Variants in FHIT observed in about 807,000 individuals in gnomAD.
FHIT encodes the protein bis(5'-adenosyl)-triphosphatase.
FHIT carries 19 observed loss-of-function variants against 17.9 expected under a neutral mutation model. That is an observed-to-expected ratio of 1.06 (90% CI 0.74 to 1.56). The LOEUF (loss-of-function observed/expected upper bound fraction) is 1.56, where lower values mean the gene tolerates loss of function less well. Among genes scored for constraint, FHIT ranks in the 40% most tolerant of loss-of-function variants. The probability of loss-of-function intolerance (pLI) is 0.00; values close to 1 mark genes in which losing one functional copy is unlikely to be tolerated. For synonymous variants in FHIT, 81 were observed against 69.7 expected (o/e 1.16, Z -0.81); for missense variants, 248 against 189.2 (o/e 1.31, Z -1.82).
chr3:60,538,505 A>G (rs1233843945), intron 4 of FHIT, among the ~76,000 whole-genome samples: 1 of 152,230 alleles, frequency 6.6e-6, no homozygotes, highest in Non-Finnish European at 1.5e-5. Flanking sequence ...CCAAAAGAAC[A>G]AAGCTGGAGG....
intron 5 of FHIT, among the ~76,000 whole-genome samples, chr3:60,486,599 G>A (rs1453795401): frequency 2.0e-5 from 3 of 152,024 alleles, no homozygotes; most frequent in Non-Finnish European, 2.9e-5. Flanking sequence ...GTCAGAGAAG[G>A]GCAGGCTCTG....
At chr3:59,818,903 A>C (rs566581056) in intron 8 of FHIT, among the ~76,000 whole-genome samples, 1 of 152,360 alleles carries the variant, frequency 6.6e-6, no homozygotes, top group South Asian at 2.1e-4. Context: ...CCTCTTCAGC[A>C]TGGATATGAC....
chr3:60,106,677 C>T (rs971786578), intron 5 of FHIT, among the ~76,000 whole-genome samples: 2 of 152,154 alleles, frequency 1.3e-5, no homozygotes, highest in African/African-American at 4.8e-5. Flanking sequence ...AGAGATGAGA[C>T]TCCCCTATCC....
At chr3:60,617,083 C>A (rs2246924) in intron 4 of FHIT, 22,312 of 218,056 alleles carry the variant, frequency 0.1, 1,295 homozygotes, top group Middle Eastern at 0.15. Flanking sequence ...GAGTTTTTAA[C>A]AGAATGTTCC....
At chr3:60,536,692 A>G in intron 5 of FHIT, 168 bp downstream of exon 5, 2 of 610,084 alleles carry the variant, frequency 3.3e-6, no homozygotes, top group Non-Finnish European at 5.1e-6. Context: ...CTGGATTCAG[A>G]ATAAATATGA....
intron 7 of FHIT, among the ~76,000 whole-genome samples, chr3:59,967,145 G>C (rs1707964619): frequency 6.6e-6 from 1 of 151,964 alleles, no homozygotes; most frequent in African/African-American, 2.4e-5. Context: ...CCCACTGAAA[G>C]GCCTTCAGGG....
At chr3:60,082,595 G>T (rs1372097570) in intron 5 of FHIT, among the ~76,000 whole-genome samples, 1 of 152,122 alleles carries the variant, frequency 6.6e-6, no homozygotes, top group Non-Finnish European at 1.5e-5. Flanking sequence ...CCCACCAACA[G>T]TGTATAAGCA....
chr3:60,777,854 TA>T (rs552278964), intron 4 of FHIT, among the ~76,000 whole-genome samples: 4 of 151,478 alleles, frequency 2.6e-5, no homozygotes, highest in Admixed American at 6.6e-5. Flanking sequence ...TGGGCAATAT[TA>T]AAAAAAAATC....
rs568162433 is a variant in FHIT, at chr3:60,207,626, C to T, written c.104-193474G>A. Among the ~76,000 whole-genome samples the T allele has an allele frequency of 7.2e-5, 11 of 152,194 alleles. No homozygotes were observed. In the East Asian group the frequency reaches 1.5e-3, roughly 21 times the overall value. On this transcript the variant is annotated intron_variant, in intron 5 of 9. Coordinates refer to ENST00000492590, the MANE Select transcript of FHIT (RefSeq NM_002012.4). ...TTTAATATGGCGGTGATGAGAACAA[C>T]GTATGTGACTACCGTGACACTCAAT...
At chr3:60,810,114 G>A (rs1309930985) in intron 4 of FHIT, among the ~76,000 whole-genome samples, 2 of 152,162 alleles carry the variant, frequency 1.3e-5, no homozygotes, top group African/African-American at 4.8e-5. Context: ...TTGATTCCCA[G>A]TTTGTGTCAG....
intron 8 of FHIT, among the ~76,000 whole-genome samples, chr3:59,840,732 C>A (rs114465802): frequency 3.3e-5 from 5 of 152,120 alleles, no homozygotes; most frequent in Admixed American, 1.3e-4. Flanking sequence ...ATGGTCAGGT[C>A]CTCAGGGAAT....
intron 3 of FHIT, among the ~76,000 whole-genome samples, chr3:60,888,810 T>C (rs1433248746): frequency 3.9e-5 from 6 of 152,210 alleles, no homozygotes; most frequent in Admixed American, 2.0e-4. Context: ...AATTATAGAT[T>C]CACTTGCAGT....
At chr3:60,593,830 T>C (rs1296136328) in intron 4 of FHIT, among the ~76,000 whole-genome samples, 1 of 152,090 alleles carries the variant, frequency 6.6e-6, no homozygotes, top group African/African-American at 2.4e-5. Flanking sequence ...CCCTGCCACA[T>C]GCTTGGTGGG....
intron 7 of FHIT, among the ~76,000 whole-genome samples, chr3:59,932,859 T>G (rs1015564227): frequency 2.0e-5 from 3 of 152,090 alleles, no homozygotes; most frequent in Non-Finnish European, 4.4e-5. Flanking sequence ...CATCTGGGCA[T>G]AAGGAATTAA....
intron 4 of FHIT, among the ~76,000 whole-genome samples, chr3:60,702,383 TATA>T (rs1404936600): frequency 3.9e-5 from 6 of 152,136 alleles, no homozygotes; most frequent in Admixed American, 6.5e-5. Flanking sequence ...AATGACATTT[TATA>T]ATAATAAAAA....
intron 5 of FHIT, among the ~76,000 whole-genome samples, chr3:60,134,708 C>G (rs1044898116): frequency 1.3e-5 from 2 of 152,178 alleles, no homozygotes; most frequent in Non-Finnish European, 2.9e-5. Flanking sequence ...CAAATGTAGA[C>G]ACGTAAACAT....
intron 5 of FHIT, among the ~76,000 whole-genome samples, chr3:60,456,127 A>G (rs2032075966): frequency 6.6e-6 from 1 of 152,176 alleles, no homozygotes; most frequent in South Asian, 2.1e-4. Flanking sequence ...ATCTGATCAC[A>G]TGCCCCTGAA....
chr3:60,328,184 C>G (rs1487794965), intron 5 of FHIT, among the ~76,000 whole-genome samples: 2 of 152,134 alleles, frequency 1.3e-5, no homozygotes, highest in Non-Finnish European at 2.9e-5. Flanking sequence ...TTGGAAAGGG[C>G]AGGCACTGAA....
intron 5 of FHIT, among the ~76,000 whole-genome samples, chr3:60,247,035 A>AAT (rs1705431996): frequency 6.6e-6 from 1 of 152,140 alleles, no homozygotes; most frequent in Admixed American, 6.6e-5. Flanking sequence ...ATACATCACT[A>AAT]AGAGTGAACC....
Sources: gnomAD v4.1 joint callset for allele counts (sites outside exome capture counted in the v4.1 genomes callset) on GRCh38, gnomAD v4.1.1 for gene constraint, MANE v1.5 for transcripts, NCBI Gene and HGNC (gene_info 2026-07-23, HGNC 2026-07-21) for gene names.